The following NUDT5 variants were observed in gnomAD, a reference collection of about 807,000 sequenced individuals.
The protein encoded by NUDT5 is nudix hydrolase 5.
Under a neutral mutation model 34.1 loss-of-function variants are expected in NUDT5, and 21 were observed. The observed-to-expected ratio is 0.62, with a 90% CI of 0.44 to 0.89. The LOEUF (loss-of-function observed/expected upper bound fraction) is 0.89, where lower values mean the gene tolerates loss of function less well. NUDT5 is among the 40% of genes least tolerant of loss of function. The probability of loss-of-function intolerance (pLI) is 0.00; values close to 1 mark genes in which losing one functional copy is unlikely to be tolerated. For synonymous variants in NUDT5, 85 were observed against 97.6 expected (o/e 0.87, Z 0.76); for missense variants, 249 against 274.8 (o/e 0.91, Z 0.66).
At chr10:12,191,337 T>C (rs61848316) in intron 1 of NUDT5, among the ~76,000 whole-genome samples, 1,675 of 151,842 alleles carry the variant, frequency 0.011, 18 homozygotes, top group Non-Finnish European at 0.019. Flanking sequence ...GAGCCAAGAT[T>C]GCGCCACTGC....
chr10:12,174,736 G>T (rs1043086346), intron 5 of NUDT5, among the ~76,000 whole-genome samples: 5 of 152,246 alleles, frequency 3.3e-5, no homozygotes, highest in Admixed American at 3.3e-4. Context: ...GCATCTGTGA[G>T]GAGATGTGAC....
Position 12,167,530 on chromosome 10 carries a change from A to T in NUDT5, c.*172T>A. ...CTGGAGTTATAACAAATTTAAAGGAAGGTCACAACCTACCTGTAATTACAA... is the reference window on the plus strand; with the variant it reads ...CTGGAGTTATAACAAATTTAAAGGATGGTCACAACCTACCTGTAATTACAA... On this transcript the variant is annotated 3_prime_UTR_variant, in exon 10 of 10. Transcript: ENST00000491614. The T allele has an allele frequency of 1.7e-6, 1 of 574,140 alleles. No individual in the cohort carries two copies. Among genetic ancestry groups the T allele is most frequent in the South Asian group, 2.4e-5 (1 of 42,342 alleles). The allele number at this position is 574,140 out of a possible 1,614,324, so 35.6% of individuals were successfully genotyped here. A position where few individuals can be genotyped will look rare whatever the true frequency, so the allele number is the denominator to read the frequency against.
chr10:12,185,058 C>A, intron 2 of NUDT5, 102 bp from the exon 3 acceptor site: 3 of 649,586 alleles, frequency 4.6e-6, no homozygotes, highest in Non-Finnish European at 2.8e-6. Flanking sequence ...CCCAGACTCC[C>A]AATAATCATC....
In NUDT5 at chr10:12,177,818, C is replaced by T. The variant is rs1407580830; in HGVS notation, c.264G>A (p.Gly88=). The T allele has an allele frequency of 1.2e-6, 2 of 1,613,836 alleles. No homozygotes were observed. The highest frequency in any genetic ancestry group is 1.7e-6 in the Non-Finnish European group (2 of 1,179,866). ...VLVKQFRPPM[G]GYCIEFPAGL... ...CTGCAGGGAACTCTATGCAGTAGCC[C>T]CCCATTGGTGGTCGGAACTGTTTCA... The change falls in exon 5 of 10, where the codon GGG becomes GGA. Residue 88 remains glycine (G), a synonymous_variant. Transcript: ENST00000491614.
intron 6 of NUDT5, 27 bp from the exon 7 acceptor site, chr10:12,172,893 C>T (rs751409171): frequency 1.9e-5 from 29 of 1,487,672 alleles, no homozygotes; most frequent in Non-Finnish European, 2.5e-5. Flanking sequence ...CAGTCAGATG[C>T]GTCAGTCCCT....
chr10:12,172,774 G>T lies in NUDT5; in HGVS notation c.478C>A (p.Pro160Thr), dbSNP rs373451059. 1.2e-6 allele frequency: 2 copies of T among 1,613,462 alleles called. No individual in the cohort carries two copies. The highest frequency in any genetic ancestry group is 1.7e-6 in the Non-Finnish European group (2 of 1,179,412). ...GCCGACACACACATACCTGGCTTTG[G>T]CTTCGGCCTTGCGTTTTCGGCATCA... ...GDDAENARPK[P>T]KPGDGEFVEV... Residue 160 changes from proline to threonine, a missense_variant, in exon 7 of 10, where the codon CCA (proline) becomes ACA (threonine). By Grantham distance (38) the Pro-to-Thr change is conservative. Transcript: ENST00000491614.
Position 12,166,497 on chromosome 10 carries a change from TAC to T in NUDT5, c.*1203_*1204del, listed in dbSNP as rs1258995546. Reference sequence around the variant, plus strand: ...TTTAGGAAGTCCAGTGTAAAGATCTTACAGTTTCACTCATAAAAATATCCTGG... The same window carrying T: ...TTTAGGAAGTCCAGTGTAAAGATCTTAGTTTCACTCATAAAAATATCCTGG... On this transcript the variant is annotated 3_prime_UTR_variant, in exon 10 of 10. Coordinates refer to ENST00000491614, the MANE Select transcript of NUDT5 (RefSeq NM_014142.4). 2 of 285,714 alleles carry T rather than the reference TAC, an allele frequency of 7.0e-6. No individual in the cohort carries two copies. Among genetic ancestry groups the T allele is most frequent in the African/African-American group, 4.4e-5 (2 of 45,428 alleles). 17.7% of individuals were successfully genotyped at this position (285,714 alleles called of 1,614,324 possible).
In NUDT5 at chr10:12,169,248, CT is replaced by C; in HGVS notation, c.551-1438del. ...CCTCACTTATTCTATTTTTTTCTCC[CT>C]TTTCTAAGACCAAAAGTGAAGTTAA... On this transcript the variant is annotated intron_variant, in intron 9 of 9. Coordinates refer to ENST00000491614, the MANE Select transcript of NUDT5 (RefSeq NM_014142.4). This position sits in a 1 kb window ranked among gnomAD's most constrained non-coding sequence, Gnocchi z 4.8. 1 of 1,539,752 alleles carries C rather than the reference CT, an allele frequency of 6.5e-7. No individual in the cohort carries two copies. The highest frequency in any genetic ancestry group is 8.8e-7 in the Non-Finnish European group (1 of 1,137,772).
chr10:12,180,009 CAT>C (rs1024385257), intron 3 of NUDT5, among the ~76,000 whole-genome samples: 15 of 152,126 alleles, frequency 9.9e-5, no homozygotes, highest in African/African-American at 3.4e-4. Context: ...GGAAGTGAAA[CAT>C]GTGGGTGGCT....
rs12572986 is a variant in NUDT5, at chr10:12,169,464, G to C, written c.550+1253C>G. 278 of 617,058 alleles carry C rather than the reference G, an allele frequency of 4.5e-4. 1 individual carries two copies. The East Asian group carries it at 8.1e-3, about 18-fold the overall frequency. The allele number at this position is 617,058 out of a possible 1,614,324, so 38.2% of individuals were successfully genotyped here. A position where few individuals can be genotyped will look rare whatever the true frequency, so the allele number is the denominator to read the frequency against. ...GCTACAGAACCTGTTTGATGTGATA[G>C]CTAATTATGGTCCGCGGAGCCTCAA... On this transcript the variant is annotated intron_variant, in intron 9 of 9. Coordinates refer to ENST00000491614, the MANE Select transcript of NUDT5 (RefSeq NM_014142.4). This position sits in a 1 kb window ranked among gnomAD's most constrained non-coding sequence, Gnocchi z 4.8.
At chr10:12,195,453 C>G (rs1835320343) in intron 1 of NUDT5, among the ~76,000 whole-genome samples, 1 of 152,228 alleles carries the variant, frequency 6.6e-6, no homozygotes, top group Non-Finnish European at 1.5e-5. Flanking sequence ...AAGTCGAACC[C>G]TCCAGGATCG....
In NUDT5 at chr10:12,185,957, T is replaced by C. The variant is rs186907403; in HGVS notation, c.63+272A>G. 3.3e-5 allele frequency among the ~76,000 whole-genome samples: 5 copies of C among 152,330 alleles called. No individual in the cohort carries two copies. The East Asian group carries it at 9.6e-4, about 29-fold the overall frequency. ...TGAGTCCGCAAATGCATATATTCTTTCTTCTTCTATCTAGGGAAATACAGG... is the reference window on the plus strand; with the variant it reads ...TGAGTCCGCAAATGCATATATTCTTCCTTCTTCTATCTAGGGAAATACAGG... On this transcript the variant is annotated intron_variant, in intron 2 of 9. Coordinates refer to ENST00000491614, the MANE Select transcript of NUDT5 (RefSeq NM_014142.4).
chr10:12,166,411 C>A lies in NUDT5; in HGVS notation c.*1291G>T. On this transcript the variant is annotated 3_prime_UTR_variant, in exon 10 of 10. Transcript: ENST00000491614. The stretch of plus-strand genomic sequence containing the variant: ...CAGGAAGTAGTTGGATCTTAATTTT[C>A]ACATGTATAGGGCTAGACAGCTTCA... 1 of 159,780 alleles carries A rather than the reference C, an allele frequency of 6.3e-6. No individual in the cohort carries two copies. Among genetic ancestry groups the A allele is most frequent in the Non-Finnish European group, 1.4e-5 (1 of 72,208 alleles). The allele number at this position is 159,780 out of a possible 1,614,324, so 9.9% of individuals were successfully genotyped here.
intron 4 of NUDT5, 71 bp downstream of exon 4, chr10:12,179,012 A>G: frequency 7.7e-7 from 1 of 1,297,902 alleles, no homozygotes; most frequent in South Asian, 1.2e-5. Flanking sequence ...ACTTGGTTCC[A>G]TTGAAAACCC....
chr10:12,173,780 G>A lies in NUDT5; in HGVS notation c.323C>T (p.Ala108Val). The A allele has an allele frequency of 6.2e-7, 1 of 1,613,944 alleles. No individual in the cohort carries two copies. Among genetic ancestry groups the A allele is most frequent in the Non-Finnish European group, 8.5e-7 (1 of 1,179,856 alleles). ...TTCTTCTTCAAGCTCCCGGAGAGCA[G>A]CTGCTTCTGGGGTTTCACCATCATC... is the stretch of plus-strand genomic sequence containing the variant. ...LIDDGETPEA[A>V]ALRELEEETG... Residue 108 changes from alanine to valine, a missense_variant, in exon 6 of 10, where the codon GCT (alanine) becomes GTT (valine). Ala to Val is a moderately conservative substitution (Grantham distance 64). Coordinates refer to ENST00000491614, the MANE Select transcript of NUDT5 (RefSeq NM_014142.4). The surrounding 1 kb of genome is among the most constrained non-coding windows in gnomAD (Gnocchi z 4.7).
At position 12,175,325 on chromosome 10, in the gene NUDT5, A is replaced by C. The variant is rs941168272; in HGVS notation, c.290-1512T>G. Among the ~76,000 whole-genome samples, 22 of 151,206 alleles carry C rather than the reference A, an allele frequency of 1.5e-4. No individual in the cohort carries two copies. The highest frequency in any genetic ancestry group is 5.4e-4 in the African/African-American group (22 of 40,632). On this transcript the variant is annotated intron_variant, in intron 5 of 9. Transcript: ENST00000491614. The surrounding 1 kb of genome is among the most constrained non-coding windows in gnomAD (Gnocchi z 4.8). ...ACAAAAGTGAAACTGCATCTCAAAA[A>C]ATAAATAAATAAAATAAAATAAAAT...
chr10:12,173,740 C>G lies in NUDT5; in HGVS notation c.363G>C (p.Gly121=). 2 of 1,613,894 alleles carry G rather than the reference C, an allele frequency of 1.2e-6. No individual in the cohort carries two copies. Among genetic ancestry groups the G allele is most frequent in the Non-Finnish European group, 1.7e-6 (2 of 1,179,806 alleles). ...RELEEETGYK[G]DIAECSPAVC... The stretch of plus-strand genomic sequence containing the variant: ...AACCTGGAGAACATTCGGCAATGTC[C>G]CCTTTGTAGCCAGTTTCTTCTTCAA... The change falls in exon 6 of 10, where the codon GGG becomes GGC. Residue 121 remains glycine (G), a synonymous_variant. Transcript: ENST00000491614. The surrounding 1 kb of genome is among the most constrained non-coding windows in gnomAD (Gnocchi z 4.7).
chr10:12,193,940 G>A (rs1028202963), intron 1 of NUDT5, among the ~76,000 whole-genome samples: 7 of 151,510 alleles, frequency 4.6e-5, no homozygotes, highest in Non-Finnish European at 1.0e-4. Flanking sequence ...GCAGTGGCGC[G>A]ATCTCGGCTC....
At position 12,169,579 on chromosome 10, in the gene NUDT5, T is replaced by C. The variant is rs1291948436; in HGVS notation, c.550+1138A>G. On this transcript the variant is annotated intron_variant, in intron 9 of 9. Coordinates refer to ENST00000491614, the MANE Select transcript of NUDT5 (RefSeq NM_014142.4). The surrounding 1 kb of genome is among the most constrained non-coding windows in gnomAD (Gnocchi z 4.8). Reference sequence around the variant, plus strand: ...TACGCACCAGATAAACTATTGTATCTATTCAGTATGATTGTTCTAACTCTG... The same window carrying C: ...TACGCACCAGATAAACTATTGTATCCATTCAGTATGATTGTTCTAACTCTG... 1.0e-5 allele frequency: 4 copies of C among 395,216 alleles called. No individual in the cohort carries two copies. The highest frequency in any genetic ancestry group is 1.8e-5 in the Non-Finnish European group (4 of 221,532). The allele number at this position is 395,216 out of a possible 1,614,324, so 24.5% of individuals were successfully genotyped here.
Sources: gnomAD v4.1 joint callset for allele counts (sites outside exome capture counted in the v4.1 genomes callset) on GRCh38, gnomAD v4.1.1 for gene constraint, Gnocchi (gnomAD v3.1) non-coding constraint, MANE v1.5 for transcripts, NCBI Gene and HGNC (gene_info 2026-07-23, HGNC 2026-07-21) for gene names.